Variants in TAF7L observed in about 807,000 individuals in gnomAD.
TAF7L encodes transcription initiation factor TFIID subunit 7-like.
In TAF7L, 6 loss-of-function variants were observed where a neutral mutation model predicts 30.2. The ratio of observed to expected loss-of-function variants is 0.20; its 90% CI spans 0.11 to 0.39. The LOEUF is 0.39. TAF7L is among the 10% of genes least tolerant of loss of function. The probability of loss-of-function intolerance (pLI) is 1.00; values close to 1 mark genes in which losing one functional copy is unlikely to be tolerated. For missense variants in TAF7L, 284 were observed against 277.1 expected, an observed-to-expected ratio of 1.03 and a Z score of -0.18; for synonymous variants, 93 against 94.5, an observed-to-expected ratio of 0.98 and a Z score of 0.09.
intron 7 of TAF7L, 99 bp downstream of exon 7, chrX:101,278,895 A>G (rs747850730): frequency 7.6e-6 from 6 of 793,937 alleles, no homozygotes; most frequent in Non-Finnish European, 1.1e-5. Context: ...GGAAGGCTCA[A>G]AAGTAGCTTC....
In TAF7L at chrX:101,277,708, T is replaced by A. The variant is rs1339008629; in HGVS notation, c.589A>T (p.Ile197Phe). The change falls in exon 9 of 13, where the codon ATT (isoleucine) becomes TTT (phenylalanine). Residue 197 changes from isoleucine to phenylalanine, a missense_variant. Transcript: ENST00000356784. ...ATTTCCTTGGTTCCATCTTCAGCAA[T>A]GACTTCCCAACCTGAAAGGAGTGGG... is the stretch of plus-strand genomic sequence containing the variant. ...AEAVSTRWEVIAEDGTKEIES... is the reference protein window; with the variant it reads ...AEAVSTRWEVFAEDGTKEIES... The A allele has an allele frequency of 8.4e-7, 1 of 1,192,538 alleles. No homozygotes were observed. The highest frequency in any genetic ancestry group is 3.0e-5 in the East Asian group (1 of 33,518).
chrX:101,275,924 T>TAA lies in TAF7L; in HGVS notation c.1026+74_1026+75dup, dbSNP rs1193082513. 22 of 728,294 alleles carry TAA rather than the reference T, an allele frequency of 3.0e-5. No individual in the cohort carries two copies. In the Admixed American group the frequency reaches 6.9e-4, roughly 23 times the overall value. The allele number at this position is 728,294 out of a possible 1,213,427, so 60.0% of individuals were successfully genotyped here. On this transcript the variant is annotated intron_variant, in intron 11 of 12. Transcript: ENST00000356784. Reference sequence around the variant, plus strand: ...AATGAACAAGAACCCTGCACAGAGATAACATAAGTGGAAACACAAAGGCAA... The same window carrying TAA: ...AATGAACAAGAACCCTGCACAGAGATAAAACATAAGTGGAAACACAAAGGCAA...
At chrX:101,287,395 A>G (rs1924639526) in intron 2 of TAF7L, 83 bp downstream of exon 2, 2 of 758,187 alleles carry the variant, frequency 2.6e-6, no homozygotes, top group East Asian at 7.0e-5. Context: ...TACCTGAAAT[A>G]GAAATGTCAG....
upstream of TAF7L, chrX:101,291,366 G>A (rs1042936007): frequency 2.0e-5 from 13 of 652,251 alleles, no homozygotes; most frequent in Non-Finnish European, 1.8e-5. Flanking sequence ...CAGTAAAAGC[G>A]GCGCGCGCCG....
intron 12 of TAF7L, among the ~76,000 whole-genome samples, chrX:101,274,672 C>G (rs1356440953): frequency 9.0e-6 from 1 of 111,287 alleles, no homozygotes; most frequent in Non-Finnish European, 1.9e-5. Flanking sequence ...ACCTTGTGCC[C>G]TGAGCTGCTG....
In TAF7L at chrX:101,281,729, T is replaced by G. The variant is rs146723086; in HGVS notation, c.453A>C (p.Thr151=). 1 of 1,209,103 alleles carries G rather than the reference T, an allele frequency of 8.3e-7. No homozygotes were observed. The highest frequency in any genetic ancestry group is 1.1e-6 in the Non-Finnish European group (1 of 894,860). The stretch of plus-strand genomic sequence containing the variant: ...ATAGCATGTAACTAACCTTTTTTTG[T>G]GTTTTCCGGAACCTTTTCTTTCTGA... ...KNVRKKRFRK[T]QKKVPDVKEM... is the part of the protein sequence containing the mutation. Residue 151 remains threonine, a synonymous_variant, in exon 6 of 13, where the codon ACA becomes ACC. Transcript: ENST00000356784.
intron 9 of TAF7L, 96 bp downstream of exon 9, chrX:101,277,510 T>A: frequency 2.5e-6 from 1 of 408,129 alleles, no homozygotes; most frequent in Non-Finnish European, 4.0e-6. Context: ...TGGGTTTTTT[T>A]TTTTTTGGAT....
At position 101,276,120 on chromosome X, in the gene TAF7L, A is replaced by G. The variant is rs1924165602; in HGVS notation, c.914-8T>C. The G allele has an allele frequency of 1.7e-6, 2 of 1,172,730 alleles. No homozygotes were observed. Among genetic ancestry groups the G allele is most frequent in the South Asian group, 1.9e-5 (1 of 52,530 alleles). The stretch of plus-strand genomic sequence containing the variant: ...GCTTCTGAATTTCCATGACTAATAG[A>G]GAAACATAGAACTTTATATATTAAA... On this transcript the variant is annotated splice_polypyrimidine_tract_variant and splice_region_variant and intron_variant, in intron 10 of 12. Transcript: ENST00000356784.
intron 1 of TAF7L, among the ~76,000 whole-genome samples, chrX:101,289,090 C>T (rs1181646002): frequency 8.9e-6 from 1 of 112,130 alleles, no homozygotes. Context: ...ACCAACACTA[C>T]TCTCTGCTTC....
chrX:101,280,033 G>A (rs868821650), intron 6 of TAF7L, among the ~76,000 whole-genome samples: 1 of 94,979 alleles, frequency 1.1e-5, no homozygotes, highest in Admixed American at 1.2e-4. Context: ...TGGGCATCAG[G>A]CTTAAAAAGA....
chrX:101,282,628 C>T (rs1924454134), intron 4 of TAF7L, among the ~76,000 whole-genome samples, 175 bp from the exon 5 acceptor site: 1 of 110,407 alleles, frequency 9.1e-6, no homozygotes, highest in Non-Finnish European at 1.9e-5. Context: ...CTCTCTCTCC[C>T]TCTCCTCCCC....
intron 11 of TAF7L, among the ~76,000 whole-genome samples, chrX:101,275,662 G>A (rs774670985): frequency 1.8e-5 from 2 of 111,366 alleles, no homozygotes; most frequent in South Asian, 3.9e-4. Flanking sequence ...TATAAAATGG[G>A]AGTGGTGACA....
rs774567231 is a variant in TAF7L, at chrX:101,272,257, T to TAA, written c.1086+2964_1086+2965insTT. Among the ~76,000 whole-genome samples the TAA allele has an allele frequency of 3.6e-5, 4 of 111,953 alleles. No homozygotes were observed. In the East Asian group the frequency reaches 1.1e-3, roughly 31 times the overall value. On this transcript the variant is annotated intron_variant, in intron 12 of 12. Transcript: ENST00000356784. The stretch of plus-strand genomic sequence containing the variant: ...TTAGAAATACATACATCCTTAATGA[T>TAA]TCCTTCTCCTTCAACACCCAGTAAT...
At chrX:101,290,072 G>T (rs1406170122) in intron 1 of TAF7L, among the ~76,000 whole-genome samples, 5 of 109,863 alleles carry the variant, frequency 4.6e-5, no homozygotes, top group Non-Finnish European at 9.5e-5. Context: ...AAAATTAGCT[G>T]TATCTTTACA....
At chrX:101,290,337 G>A (rs1224632453) in intron 1 of TAF7L, among the ~76,000 whole-genome samples, 1 of 111,933 alleles carries the variant, frequency 8.9e-6, no homozygotes, top group African/African-American at 3.2e-5. Context: ...GTATATATAT[G>A]CATATATAAA....
chrX:101,286,717 G>T, intron 2 of TAF7L, 64 bp from the exon 3 acceptor site: 1 of 860,461 alleles, frequency 1.2e-6, no homozygotes, highest in Non-Finnish European at 1.7e-6. Flanking sequence ...TAACAGAATA[G>T]ATATATCAAA....
At chrX:101,277,504 T>G (rs1164936406) in intron 9 of TAF7L, 102 bp downstream of exon 9, 9 of 180,413 alleles carry the variant, frequency 5.0e-5, no homozygotes, top group Admixed American at 1.6e-4. Flanking sequence ...TTTTTCTGGG[T>G]TTTTTTTTTT....
intron 7 of TAF7L, among the ~76,000 whole-genome samples, chrX:101,278,518 T>A (rs902530491): frequency 1.6e-4 from 18 of 112,055 alleles, no homozygotes; most frequent in African/African-American, 5.8e-4. Flanking sequence ...ATTCCCAGAT[T>A]TCACTTCCCC....
intron 6 of TAF7L, among the ~76,000 whole-genome samples, chrX:101,280,339 C>T (rs1924370845): frequency 9.0e-6 from 1 of 111,585 alleles, no homozygotes; most frequent in Non-Finnish European, 1.9e-5. Flanking sequence ...AGGCAAAAGG[C>T]ATGAGCAGAC....
Sources: gnomAD v4.1 joint callset for allele counts (sites outside exome capture counted in the v4.1 genomes callset) on GRCh38, gnomAD v4.1.1 for gene constraint, MANE v1.5 for transcripts, NCBI Gene and HGNC (gene_info 2026-07-23, HGNC 2026-07-21) for gene names.